Variants in IGF2BP2 observed in about 807,000 individuals in gnomAD.
IGF2BP2 encodes the protein insulin-like growth factor 2 mRNA-binding protein 2.
IGF2BP2 carries 17 observed loss-of-function variants against 75.8 expected under a neutral mutation model. That is an observed-to-expected ratio of 0.22 (90% CI 0.15 to 0.34). The LOEUF is 0.34. Among genes scored for constraint, IGF2BP2 ranks in the 10% least tolerant of loss-of-function variants. IGF2BP2 has a pLI of 1.00. For missense variants in IGF2BP2, 516 were observed against 772.4 expected, an observed-to-expected ratio of 0.67 and a Z score of 3.93; for synonymous variants, 288 against 295.6, an observed-to-expected ratio of 0.97 and a Z score of 0.26.
At chr3:185,752,767 T>C (rs1419691237) in intron 2 of IGF2BP2, among the ~76,000 whole-genome samples, 1 of 152,126 alleles carries the variant, frequency 6.6e-6, no homozygotes, top group African/African-American at 2.4e-5. Flanking sequence ...CAGCTAATTT[T>C]TGTATTTTGG....
At chr3:185,765,823 G>C (rs145301273) in intron 2 of IGF2BP2, among the ~76,000 whole-genome samples, 2 of 152,170 alleles carry the variant, frequency 1.3e-5, no homozygotes, top group African/African-American at 4.8e-5. Context: ...TTTCTAATAG[G>C]GATGAAGATA....
rs578201558 is a variant in IGF2BP2, at chr3:185,685,882, G to A, written c.812+1175C>T. Among the ~76,000 whole-genome samples the A allele has an allele frequency of 1.4e-4, 22 of 152,250 alleles. No homozygotes were observed. In the South Asian group the frequency reaches 4.4e-3, roughly 30 times the overall value. On this transcript the variant is annotated intron_variant, in intron 7 of 15. Transcript: ENST00000382199. ...TGGTCTCAAACTCCTAGCCTCCGGCGATCTTCCTACCTTGGCCTCCCAAAG... is the reference window on the plus strand; with the variant it reads ...TGGTCTCAAACTCCTAGCCTCCGGCAATCTTCCTACCTTGGCCTCCCAAAG...
At chr3:185,822,561 GCAA>G (rs544082650) in intron 2 of IGF2BP2, among the ~76,000 whole-genome samples, 99 of 152,188 alleles carry the variant, frequency 6.5e-4, no homozygotes, top group Admixed American at 5.9e-3. Context: ...TTTCTTACAA[GCAA>G]CAACAACAAA....
At chr3:185,812,389 G>A (rs138960826) in intron 2 of IGF2BP2, among the ~76,000 whole-genome samples, 4,745 of 152,286 alleles carry the variant, frequency 0.031, 99 homozygotes, top group Non-Finnish European at 0.048. Context: ...GTTCCTGAAG[G>A]GCACGCATTC....
chr3:185,761,943 A>C (rs951360122), intron 2 of IGF2BP2, among the ~76,000 whole-genome samples: 1 of 152,232 alleles, frequency 6.6e-6, no homozygotes, highest in Non-Finnish European at 1.5e-5. Flanking sequence ...AGCTAGACCA[A>C]GGGACACGAA....
At chr3:185,823,556 C>T (rs1222708745) in intron 1 of IGF2BP2, among the ~76,000 whole-genome samples, 2 of 152,150 alleles carry the variant, frequency 1.3e-5, no homozygotes, top group Admixed American at 6.5e-5. Flanking sequence ...GCTGCTCTCC[C>T]GGCCCCCACC....
chr3:185,788,201 T>C (rs1350879750), intron 2 of IGF2BP2, among the ~76,000 whole-genome samples: 1 of 152,184 alleles, frequency 6.6e-6, no homozygotes, highest in Admixed American at 6.5e-5. Context: ...GGCAGGTGGA[T>C]TCTAGGATCC....
chr3:185,713,523 G>A (rs1422453404), intron 2 of IGF2BP2: 3 of 518,890 alleles, frequency 5.8e-6, no homozygotes, highest in Non-Finnish European at 7.7e-6. Context: ...AGGGGTTTGA[G>A]GGGAGTGGGG....
intron 2 of IGF2BP2, among the ~76,000 whole-genome samples, chr3:185,822,679 T>C (rs1354612245): frequency 6.6e-6 from 1 of 152,228 alleles, no homozygotes; most frequent in Non-Finnish European, 1.5e-5. Flanking sequence ...TGCAAAATAT[T>C]GACCCCTTAC....
intron 2 of IGF2BP2, chr3:185,722,285 G>GA: frequency 2.2e-6 from 1 of 456,100 alleles, no homozygotes; most frequent in South Asian, 1.5e-5. Context: ...ACAAAAAGAG[G>GA]AAATCACCAT....
At chr3:185,783,800 C>G (rs1312113842) in intron 2 of IGF2BP2, among the ~76,000 whole-genome samples, 1 of 152,042 alleles carries the variant, frequency 6.6e-6, no homozygotes, top group African/African-American at 2.4e-5. Flanking sequence ...GAATATCAAC[C>G]CCTTGTGAAG....
At chr3:185,712,354 A>T (rs1724929242) in intron 2 of IGF2BP2, among the ~76,000 whole-genome samples, 2 of 152,234 alleles carry the variant, frequency 1.3e-5, no homozygotes, top group African/African-American at 2.4e-5. Context: ...TTTCCTAGGG[A>T]ACAATGACGT....
intron 2 of IGF2BP2, chr3:185,724,593 T>C (rs982248754): frequency 6.6e-6 from 1 of 152,198 alleles, no homozygotes; most frequent in African/African-American, 2.4e-5. Context: ...ACTCTCAGAA[T>C]TGTTAGATCA....
At chr3:185,709,844 G>A (rs1420350816) in intron 2 of IGF2BP2, among the ~76,000 whole-genome samples, 1 of 152,168 alleles carries the variant, frequency 6.6e-6, no homozygotes, top group Non-Finnish European at 1.5e-5. Context: ...CAGGTGGAAT[G>A]AACAATCCAA....
intron 2 of IGF2BP2, among the ~76,000 whole-genome samples, chr3:185,805,456 T>G (rs1187990659): frequency 6.6e-6 from 1 of 152,094 alleles, no homozygotes; most frequent in African/African-American, 2.4e-5. Flanking sequence ...GAAGGGCAAA[T>G]TAAGGAGGAA....
chr3:185,786,551 G>T (rs1439213238), intron 2 of IGF2BP2, among the ~76,000 whole-genome samples: 1 of 151,864 alleles, frequency 6.6e-6, no homozygotes, highest in Admixed American at 6.6e-5. Context: ...GCCCCTGCCC[G>T]TAAGAGAAAA....
intron 1 of IGF2BP2, 101 bp downstream of exon 1, chr3:185,824,682 A>AGCCGCCGCCGGGC (rs1360024944): frequency 1.1e-6 from 1 of 895,814 alleles, no homozygotes; most frequent in Non-Finnish European, 1.5e-6. Context: ...CGGGCGCGGG[A>AGCCGCCGCCGGGC]GCCGCCGCCG....
chr3:185,705,716 T>C (rs1377145888), intron 2 of IGF2BP2, among the ~76,000 whole-genome samples: 9 of 152,216 alleles, frequency 5.9e-5, no homozygotes, highest in Admixed American at 5.9e-4. Flanking sequence ...ATTTGCTGTC[T>C]GCTGAGGGTC....
At chr3:185,726,582 C>T (rs1156751619) in intron 2 of IGF2BP2, among the ~76,000 whole-genome samples, 1 of 152,204 alleles carries the variant, frequency 6.6e-6, no homozygotes, top group African/African-American at 2.4e-5. Flanking sequence ...GTAATAGACC[C>T]AATACCTATC....
Sources: gnomAD v4.1 joint callset for allele counts (sites outside exome capture counted in the v4.1 genomes callset) on GRCh38, gnomAD v4.1.1 for gene constraint, MANE v1.5 for transcripts, NCBI Gene and HGNC (gene_info 2026-07-23, HGNC 2026-07-21) for gene names.